Variants in SMIM8 observed in about 807,000 individuals in gnomAD.
SMIM8 encodes small integral membrane protein 8.
A neutral mutation model predicts 8.1 loss-of-function variants in SMIM8; 8 were observed. The observed-to-expected ratio is 0.99, with a 90% confidence interval of 0.58 to 1.78. The LOEUF (loss-of-function observed/expected upper bound fraction) is 1.78. SMIM8 is among the 40% of genes most tolerant of loss of function. SMIM8 has a pLI of 0.00. For missense variants in SMIM8, 126 were observed against 119.8 expected (o/e 1.05, Z -0.24); for synonymous variants, 45 against 39.7 (o/e 1.13, Z -0.50).
rs181011375 is a variant in SMIM8 at position 87,322,647 on chromosome 6, C to G, written c.-45+15C>G. The G allele has an allele frequency of 2.2e-4, 34 of 152,500 alleles. No individual in the cohort carries two copies. Among genetic ancestry groups the G allele is most frequent in the Admixed American group, 1.6e-3 (25 of 15,314 alleles). The allele number at this position is 152,500 out of a possible 1,614,324, so 9.4% of individuals were successfully genotyped here. ...CCCCGCGAAAGGTAAGCGGCGGCTT[C>G]GGTGGTGTTGAGTGGCTGGGCGCCG... is the stretch of plus-strand genomic sequence containing the variant. On this transcript the variant is annotated intron_variant, in intron 1 of 3. Coordinates refer to ENST00000392863, the MANE Select transcript of SMIM8 (RefSeq NM_001042493.3).
intron 1 of SMIM8, among the ~76,000 whole-genome samples, chr6:87,325,029 G>A (rs1488360127): frequency 2.6e-5 from 4 of 152,108 alleles, no homozygotes. Flanking sequence ...TCTCTTTGAA[G>A]CAATTGTGAA....
rs988161735 is a variant in SMIM8, at chr6:87,340,177, A to T, written c.197A>T (p.Tyr66Phe). Residue 66 changes from tyrosine (Y) to phenylalanine (F), a missense_variant, in exon 4 of 4, where the codon TAT (tyrosine) becomes TTT (phenylalanine). Tyr to Phe is a conservative substitution (Grantham distance 22). Coordinates refer to ENST00000392863, the MANE Select transcript of SMIM8 (RefSeq NM_001042493.3). ...TLSLCVAYIG[Y>F]LHAIQENKKD... ...TCACTTTGCGTGGCATATATTGGTT[A>T]TCTACATGCAATACAAGAGAATAAA... 1 of 1,610,690 alleles carries T rather than the reference A, an allele frequency of 6.2e-7. No homozygotes were observed. The highest frequency in any genetic ancestry group is 1.3e-5 in the African/African-American group (1 of 74,660).
chr6:87,335,259 C>G (rs975247240), intron 2 of SMIM8, among the ~76,000 whole-genome samples: 14 of 152,174 alleles, frequency 9.2e-5, no homozygotes, highest in Non-Finnish European at 1.8e-4. Flanking sequence ...CACTCAACTG[C>G]TGCTGTCATT....
intron 2 of SMIM8, among the ~76,000 whole-genome samples, chr6:87,335,491 T>A (rs1378258844): frequency 6.6e-6 from 1 of 152,134 alleles, no homozygotes; most frequent in Admixed American, 6.5e-5. Context: ...TCTGAAGCCT[T>A]TGCAAGTATA....
At chr6:87,337,340 A>G (rs762769672) in intron 3 of SMIM8, among the ~76,000 whole-genome samples, 174 bp downstream of exon 3, 2 of 152,242 alleles carry the variant, frequency 1.3e-5, no homozygotes, top group Non-Finnish European at 2.9e-5. Context: ...ATATAAATAC[A>G]CATATAAAAG....
intron 2 of SMIM8, among the ~76,000 whole-genome samples, chr6:87,334,437 G>A (rs199962835): frequency 1.7e-5 from 2 of 118,540 alleles, no homozygotes; most frequent in East Asian, 5.2e-4. Context: ...TCAGTGGCTT[G>A]TTTGTTTGTT....
chr6:87,334,750 A>G (rs774973415), intron 2 of SMIM8, among the ~76,000 whole-genome samples: 1 of 152,270 alleles, frequency 6.6e-6, no homozygotes, highest in African/African-American at 2.4e-5. Flanking sequence ...GTCTTTGGCA[A>G]GTCAGCTAAC....
At chr6:87,325,145 A>C (rs1295526048) in intron 1 of SMIM8, among the ~76,000 whole-genome samples, 2 of 152,198 alleles carry the variant, frequency 1.3e-5, no homozygotes, top group Non-Finnish European at 2.9e-5. Flanking sequence ...GAAGTTGCTT[A>C]TCAGCTTAAG....
intron 1 of SMIM8, among the ~76,000 whole-genome samples, chr6:87,324,302 G>T (rs567188453): frequency 1.3e-5 from 2 of 152,276 alleles, no homozygotes; most frequent in Non-Finnish European, 2.9e-5. Context: ...TTTTGGCTTT[G>T]GTTGCTATTG....
At chr6:87,323,309 A>G (rs756254117) in intron 1 of SMIM8, among the ~76,000 whole-genome samples, 58 of 152,210 alleles carry the variant, frequency 3.8e-4, no homozygotes, top group Middle Eastern at 3.4e-3. Context: ...GTTTTAGGGT[A>G]CATGTGCACA....
intron 3 of SMIM8, among the ~76,000 whole-genome samples, chr6:87,339,264 T>G (rs1170850081): frequency 6.6e-6 from 1 of 151,896 alleles, no homozygotes; most frequent in Non-Finnish European, 1.5e-5. Flanking sequence ...ATTGCACCAC[T>G]GCACTCCAGC....
intron 2 of SMIM8, among the ~76,000 whole-genome samples, chr6:87,331,110 T>A (rs1776986255): frequency 6.6e-6 from 1 of 152,130 alleles, no homozygotes; most frequent in Non-Finnish European, 1.5e-5. Context: ...AATAAATAGA[T>A]CCTCAAAGTG....
chr6:87,323,608 C>A lies in SMIM8; in HGVS notation c.-45+976C>A, dbSNP rs566840943. 1.4e-3 allele frequency among the ~76,000 whole-genome samples: 217 copies of A among 152,132 alleles called. 1 individual carries two copies. The highest frequency in any genetic ancestry group is 5.0e-3 in the African/African-American group (208 of 41,508). On this transcript the variant is annotated intron_variant, in intron 1 of 3. Transcript: ENST00000392863. ...GTCCCTACAAAGGACATGAACTCAT[C>A]ATTTTTTATGGCTGCATAGTATTAC...
At chr6:87,323,028 T>C (rs1776709519) in intron 1 of SMIM8, 1 of 151,240 alleles carries the variant, frequency 6.6e-6, no homozygotes, top group East Asian at 1.9e-4. Flanking sequence ...GTGCGGACAC[T>C]CGTGCTTTTT....
intron 2 of SMIM8, among the ~76,000 whole-genome samples, chr6:87,335,715 A>G (rs1368947596): frequency 6.6e-6 from 1 of 152,126 alleles, no homozygotes; most frequent in Non-Finnish European, 1.5e-5. Context: ...TATACTGGCC[A>G]GGTGTGGTAT....
chr6:87,324,153 G>C (rs536852106), intron 1 of SMIM8, among the ~76,000 whole-genome samples: 45 of 152,124 alleles, frequency 3.0e-4, no homozygotes, highest in Non-Finnish European at 5.0e-4. Context: ...TGCTTGAGTT[G>C]ATTGTAGATT....
chr6:87,338,175 A>C (rs1777153107), intron 3 of SMIM8, among the ~76,000 whole-genome samples: 1 of 152,216 alleles, frequency 6.6e-6, no homozygotes, highest in African/African-American at 2.4e-5. Context: ...TGTAAATTTA[A>C]ACTGCTCTGA....
intron 3 of SMIM8, among the ~76,000 whole-genome samples, chr6:87,339,400 C>A (rs1275727594): frequency 2.2e-5 from 3 of 136,692 alleles, no homozygotes; most frequent in Non-Finnish European, 4.7e-5. Context: ...CTCTTAACAA[C>A]AACAAAACAC....
chr6:87,335,397 C>T (rs1379809274), intron 2 of SMIM8, among the ~76,000 whole-genome samples: 2 of 152,028 alleles, frequency 1.3e-5, no homozygotes, highest in Non-Finnish European at 2.9e-5. Context: ...ACCAGAAAGC[C>T]GTGGTGATAG....
Sources: allele counts gnomAD v4.1 joint callset (sites outside exome capture counted in the v4.1 genomes callset), GRCh38; gene constraint gnomAD v4.1.1; transcripts MANE v1.5; gene names NCBI Gene and HGNC (gene_info 2026-07-23, HGNC 2026-07-21).